Variants in GALNTL6 observed in about 807,000 individuals in gnomAD.
GALNTL6 encodes the protein polypeptide N-acetylgalactosaminyltransferase-like 6.
In GALNTL6, 46 loss-of-function variants were observed where a neutral mutation model predicts 73.7. The observed-to-expected ratio is 0.62, with a 90% CI of 0.49 to 0.80. GALNTL6 has a LOEUF of 0.80. GALNTL6 is among the 30% of genes least tolerant of loss of function. The pLI, the probability that GALNTL6 is intolerant of heterozygous loss-of-function variation, is 0.00. For synonymous variants in GALNTL6, 259 were observed against 263.7 expected (o/e 0.98, Z 0.17); for missense variants, 604 against 755.0 (o/e 0.80, Z 2.34).
chr4:172,107,721 AT>A (rs1265744001), intron 2 of GALNTL6, among the ~76,000 whole-genome samples: 5 of 150,922 alleles, frequency 3.3e-5, no homozygotes, highest in African/African-American at 1.2e-4. Context: ...GATATACCTA[AT>A]GTTAAATGAC....
intron 2 of GALNTL6, among the ~76,000 whole-genome samples, chr4:172,162,985 C>T (rs1579200301): frequency 6.6e-6 from 1 of 151,994 alleles, no homozygotes; most frequent in African/African-American, 2.4e-5. Context: ...ATAAAGTAGT[C>T]ATGCCATTTA....
intron 7 of GALNTL6, among the ~76,000 whole-genome samples, chr4:172,822,121 T>C (rs531279911): frequency 6.6e-6 from 1 of 152,338 alleles, no homozygotes; most frequent in East Asian, 1.9e-4. Context: ...TCTCCTTCAT[T>C]TAACAGTGAA....
rs925922176 is a variant in GALNTL6, at chr4:172,772,915, A to T, written c.554-36446A>T. 2.0e-5 allele frequency among the ~76,000 whole-genome samples: 3 copies of T among 152,186 alleles called. No individual in the cohort carries two copies. The South Asian group carries it at 6.2e-4, about 32-fold the overall frequency. On this transcript the variant is annotated intron_variant, in intron 5 of 12. Coordinates refer to ENST00000506823, the MANE Select transcript of GALNTL6 (RefSeq NM_001034845.3). ...AAGAAGAGGGAGACTTGACTACAGAAGATGAAAAGGCAATGTGACAATGGA... is the reference window on the plus strand; with the variant it reads ...AAGAAGAGGGAGACTTGACTACAGATGATGAAAAGGCAATGTGACAATGGA...
At chr4:172,214,707 G>T (rs1242279923) in intron 2 of GALNTL6, among the ~76,000 whole-genome samples, 1 of 151,866 alleles carries the variant, frequency 6.6e-6, no homozygotes, top group Non-Finnish European at 1.5e-5. Context: ...TAGAGACAGG[G>T]TTTCACCATG....
chr4:172,998,333 G>C (rs1001681894), intron 10 of GALNTL6, among the ~76,000 whole-genome samples: 2 of 152,114 alleles, frequency 1.3e-5, no homozygotes, highest in Admixed American at 6.5e-5. Context: ...CTAGTATGTT[G>C]CATTTATATG....
At chr4:172,415,110 G>A (rs1345858271) in intron 5 of GALNTL6, among the ~76,000 whole-genome samples, 1 of 152,082 alleles carries the variant, frequency 6.6e-6, no homozygotes, top group African/African-American at 2.4e-5. Context: ...CCCAAGAAAT[G>A]AACTTTCTGT....
chr4:172,391,403 T>C (rs1743660818), intron 5 of GALNTL6, among the ~76,000 whole-genome samples: 1 of 152,162 alleles, frequency 6.6e-6, no homozygotes. Flanking sequence ...GTCCGTGTCA[T>C]GATCATAACT....
chr4:172,601,776 G>T (rs1738059210), intron 5 of GALNTL6, among the ~76,000 whole-genome samples: 1 of 147,924 alleles, frequency 6.8e-6, no homozygotes, highest in Admixed American at 6.7e-5. Flanking sequence ...CGCTTATAGA[G>T]TCCCAGAAAA....
At chr4:172,759,884 C>A (rs1737975753) in intron 5 of GALNTL6, among the ~76,000 whole-genome samples, 2 of 129,724 alleles carry the variant, frequency 1.5e-5, no homozygotes, top group African/African-American at 3.1e-5. Context: ...GGCCGGACTG[C>A]GGACTGCAGT....
At chr4:172,711,569 G>C (rs1734707266) in intron 5 of GALNTL6, among the ~76,000 whole-genome samples, 1 of 152,130 alleles carries the variant, frequency 6.6e-6, no homozygotes, top group South Asian at 2.1e-4. Flanking sequence ...GTTCCAGGAT[G>C]ATTCCAAGGG....
rs1357677913 is a variant in GALNTL6 at position 171,897,917 on chromosome 4, ACT to A, written c.138+83202_138+83203del. Among the ~76,000 whole-genome samples, 14 of 151,090 alleles carry A rather than the reference ACT, an allele frequency of 9.3e-5. No individual in the cohort carries two copies. In the East Asian group the frequency reaches 2.8e-3, roughly 30 times the overall value. ...ACTCCAGCCTGGGTGACAGAGTGAG[ACT>A]CTGTCTCAAAAATAAATAAATAAAT... On this transcript the variant is annotated intron_variant, in intron 2 of 12. Transcript: ENST00000506823.
chr4:171,899,644 A>G (rs777992393), intron 2 of GALNTL6, among the ~76,000 whole-genome samples: 1 of 152,206 alleles, frequency 6.6e-6, no homozygotes, highest in Non-Finnish European at 1.5e-5. Context: ...ATATTTATGT[A>G]TGCTATACAC....
At chr4:171,923,879 C>T (rs1248095784) in intron 2 of GALNTL6, among the ~76,000 whole-genome samples, 8 of 148,012 alleles carry the variant, frequency 5.4e-5, no homozygotes, top group Non-Finnish European at 1.2e-4. Context: ...ATAACAATAA[C>T]TTAAGAATTA....
At position 171,955,992 on chromosome 4, in the gene GALNTL6, A is replaced by T. The variant is rs147294155; in HGVS notation, c.138+141274A>T. Among the ~76,000 whole-genome samples the T allele has an allele frequency of 7.6e-3, 979 of 128,806 alleles. 15 individuals are homozygous for T. Among genetic ancestry groups the T allele is most frequent in the African/African-American group, 0.028 (934 of 33,172 alleles). 84.5% of individuals were successfully genotyped at this position (128,806 alleles called of 152,430 possible). A position where few individuals can be genotyped will look rare whatever the true frequency, so the allele number is the denominator to read the frequency against. ...TCTTTTTAATAAATATTTGTTACTT[A>T]CTAATTTGTGTGTGTGTGTGTGGGA... On this transcript the variant is annotated intron_variant, in intron 2 of 12. Transcript: ENST00000506823.
chr4:171,820,146 A>G (rs1734643805), intron 2 of GALNTL6, among the ~76,000 whole-genome samples: 2 of 152,182 alleles, frequency 1.3e-5, no homozygotes, highest in South Asian at 2.1e-4. Context: ...ATATATCTAT[A>G]TAGGGTTCAT....
chr4:172,222,578 C>CAA (rs1415962197), intron 2 of GALNTL6, among the ~76,000 whole-genome samples: 1 of 151,690 alleles, frequency 6.6e-6, no homozygotes, highest in Non-Finnish European at 1.5e-5. Flanking sequence ...TTATCAATTA[C>CAA]CATTTGCCAG....
chr4:172,393,596 G>A (rs1188247004), intron 5 of GALNTL6, among the ~76,000 whole-genome samples: 2 of 152,106 alleles, frequency 1.3e-5, no homozygotes, highest in Non-Finnish European at 2.9e-5. Flanking sequence ...TTTCTAATAT[G>A]TAAAATCTTT....
chr4:173,039,360 ATCT>A (rs1753813714), intron 12 of GALNTL6, among the ~76,000 whole-genome samples: 1 of 152,064 alleles, frequency 6.6e-6, no homozygotes, highest in South Asian at 2.1e-4. Context: ...ACTCATATTC[ATCT>A]TCTGAAAAGG....
chr4:173,039,904 GTCTTT>G lies in GALNTL6; in HGVS notation c.1639-19_1639-15del, dbSNP rs1242603926. ...TAACCATTCACCACGTATTACAACA[GTCTTT>G]TCTTTTCTTCCTCACTCCTCCAGGA... On this transcript the variant is annotated intron_variant, in intron 12 of 12. Coordinates refer to ENST00000506823, the MANE Select transcript of GALNTL6 (RefSeq NM_001034845.3). The G allele has an allele frequency of 5.1e-6, 8 of 1,583,672 alleles. No individual in the cohort carries two copies. The East Asian group carries it at 6.7e-5, about 13-fold the overall frequency.
Sources: allele counts gnomAD v4.1 joint callset (sites outside exome capture counted in the v4.1 genomes callset), GRCh38; gene constraint gnomAD v4.1.1; transcripts MANE v1.5; gene names NCBI Gene and HGNC (gene_info 2026-07-23, HGNC 2026-07-21).